Variants in PI4K2A observed in about 807,000 individuals in gnomAD.
PI4K2A encodes phosphatidylinositol 4-kinase type 2-alpha.
A neutral mutation model predicts 55.0 loss-of-function variants in PI4K2A; 20 were observed. The ratio of observed to expected loss-of-function variants is 0.36; its 90% CI spans 0.26 to 0.53. PI4K2A has a LOEUF of 0.53. Ranked by LOEUF, PI4K2A falls within the 20% of genes least tolerant of loss-of-function variation. PI4K2A has a pLI of 0.91. For synonymous variants in PI4K2A, 235 were observed against 258.5 expected, an observed-to-expected ratio of 0.91 and a Z score of 0.87; for missense variants, 463 against 637.1, an observed-to-expected ratio of 0.73 and a Z score of 2.94.
In PI4K2A at chr10:97,659,745, G is replaced by A. The variant is rs182411875; in HGVS notation, c.922+2771G>A. On this transcript the variant is annotated intron_variant, in intron 4 of 8. Coordinates refer to ENST00000370631, the Ensembl canonical transcript of PI4K2A. ...TGGGGGATGGGTAGCTGCTTGTGGG[G>A]CTAAGAGCCAAAATTGAATGAAATT... 2.1e-4 allele frequency among the ~76,000 whole-genome samples: 32 copies of A among 152,088 alleles called. 1 individual carries two copies. Among genetic ancestry groups the A allele is most frequent in the Admixed American group, 9.8e-4 (15 of 15,272 alleles).
intron 5 of PI4K2A, 101 bp from the exon 6 acceptor site, chr10:97,664,784 A>C: frequency 1.4e-6 from 1 of 733,822 alleles, no homozygotes; most frequent in Non-Finnish European, 2.4e-6. Flanking sequence ...TTCAATAAGA[A>C]TTCTTCTCTT....
rs1206401638 is a variant in PI4K2A, at chr10:97,645,763, G to A, written c.435+4586G>A. Among the ~76,000 whole-genome samples the A allele has an allele frequency of 8.6e-5, 13 of 151,842 alleles. No individual in the cohort carries two copies. The East Asian group carries it at 2.5e-3, about 29-fold the overall frequency. ...AGACAGTTTCTCACCCTGTCGCCCAGGCTGGAGTGCAGTGGCACAACCTTG... is the reference window on the plus strand; with the variant it reads ...AGACAGTTTCTCACCCTGTCGCCCAAGCTGGAGTGCAGTGGCACAACCTTG... On this transcript the variant is annotated intron_variant, in intron 1 of 8. Transcript: ENST00000370631.
At chr10:97,666,386 G>T in intron 6 of PI4K2A, 52 bp from the exon 7 acceptor site, 2 of 1,578,520 alleles carry the variant, frequency 1.3e-6, no homozygotes, top group South Asian at 2.3e-5. Flanking sequence ...GGACACAGAT[G>T]AGCAGGGACT....
At chr10:97,645,540 G>A (rs1023811740) in intron 1 of PI4K2A, among the ~76,000 whole-genome samples, 100 of 149,840 alleles carry the variant, frequency 6.7e-4, no homozygotes, top group African/African-American at 1.6e-3. Flanking sequence ...CCCGGGAGGC[G>A]GAGCTTGCAG....
At chr10:97,666,527 A>G (rs1400471310) in exon 7 of PI4K2A, 1 of 1,613,640 alleles carries the variant, frequency 6.2e-7, no homozygotes, top group African/African-American at 1.3e-5. Flanking sequence ...ATCGGACCCT[A>G]ACTTCGTCAA....
chr10:97,673,637 G>C, exon 9 of PI4K2A: 1 of 1,614,098 alleles, frequency 6.2e-7, no homozygotes, highest in Non-Finnish European at 8.5e-7. Flanking sequence ...ACCTCGTCCA[G>C]ATGCCACCTG....
intron 8 of PI4K2A, among the ~76,000 whole-genome samples, chr10:97,669,422 A>G (rs541425751): frequency 6.6e-6 from 1 of 152,000 alleles, no homozygotes; most frequent in South Asian, 2.1e-4. Flanking sequence ...TCCCTTGCCA[A>G]CCCTTCTCCC....
chr10:97,652,304 C>T (rs1326369759), intron 2 of PI4K2A, among the ~76,000 whole-genome samples: 1 of 151,902 alleles, frequency 6.6e-6, no homozygotes, highest in African/African-American at 2.4e-5. Context: ...TCTTTTCTTT[C>T]TTATTTTTAG....
At chr10:97,671,430 T>C (rs1254102350) in intron 8 of PI4K2A, among the ~76,000 whole-genome samples, 7 of 151,646 alleles carry the variant, frequency 4.6e-5, no homozygotes, top group Non-Finnish European at 8.8e-5. Flanking sequence ...CCAGCTTGGG[T>C]GACAGAGTGA....
intron 5 of PI4K2A, among the ~76,000 whole-genome samples, chr10:97,663,181 G>T (rs1464003894): frequency 6.6e-6 from 1 of 152,182 alleles, no homozygotes; most frequent in Admixed American, 6.5e-5. Context: ...CATGAAGAAA[G>T]GGTCAAGTAA....
chr10:97,660,269 G>A (rs2041575171), intron 4 of PI4K2A, among the ~76,000 whole-genome samples: 1 of 148,000 alleles, frequency 6.8e-6, no homozygotes, highest in Admixed American at 6.8e-5. Flanking sequence ...CCAAAGTGCT[G>A]GGATTACAGG....
intron 8 of PI4K2A, among the ~76,000 whole-genome samples, chr10:97,672,677 T>G (rs1206614175): frequency 6.6e-6 from 1 of 151,464 alleles, no homozygotes; most frequent in African/African-American, 2.4e-5. Context: ...TTTATGCATA[T>G]CCATTAGTGT....
chr10:97,661,131 A>G (rs1461914410), intron 4 of PI4K2A, among the ~76,000 whole-genome samples: 1 of 152,050 alleles, frequency 6.6e-6, no homozygotes, highest in Non-Finnish European at 1.5e-5. Flanking sequence ...AGCTGGGACT[A>G]CAGGCGCCCG....
chr10:97,640,741 G>T (rs766373191), exon 1 of PI4K2A: 41 of 1,499,206 alleles, frequency 2.7e-5, no homozygotes, highest in African/African-American at 4.3e-5. Context: ...GCTGTCTGAG[G>T]GATGGACGAG....
At chr10:97,650,218 C>T (rs1392585237) in intron 1 of PI4K2A, among the ~76,000 whole-genome samples, 1 of 148,870 alleles carries the variant, frequency 6.7e-6, no homozygotes, top group Admixed American at 6.7e-5. Flanking sequence ...GGAAGCAGTA[C>T]CATATTGGCA....
At chr10:97,662,043 T>C (rs2041586944) in intron 4 of PI4K2A, among the ~76,000 whole-genome samples, 1 of 151,820 alleles carries the variant, frequency 6.6e-6, no homozygotes, top group South Asian at 2.1e-4. Flanking sequence ...TGTTTAGACA[T>C]GGGGTCTCGC....
rs531822466 is a variant in PI4K2A at position 97,655,390 on chromosome 10, A to AT, written c.637-887dup. On this transcript the variant is annotated intron_variant, in intron 2 of 8. Coordinates refer to ENST00000370631, the Ensembl canonical transcript of PI4K2A. ...GTCTCAAAAAAAAAAAAAAAAAAAA[A>AT]TTTTTTTTCAAAAGGAAATGAAGGG... 9.9e-3 allele frequency among the ~76,000 whole-genome samples: 1,395 copies of AT among 141,586 alleles called. 16 individuals are homozygous for AT. Among genetic ancestry groups the AT allele is most frequent in the African/African-American group, 0.018 (698 of 38,170 alleles). The allele number at this position is 141,586 out of a possible 152,430, so 92.9% of individuals were successfully genotyped here.
chr10:97,657,536 C>T (rs544834870), intron 4 of PI4K2A, among the ~76,000 whole-genome samples: 11 of 151,798 alleles, frequency 7.2e-5, no homozygotes, highest in Non-Finnish European at 1.2e-4. Flanking sequence ...GGTGTGGTGG[C>T]GGGCACCTGT....
intron 4 of PI4K2A, among the ~76,000 whole-genome samples, chr10:97,661,957 C>T (rs1379249555): frequency 6.6e-6 from 1 of 150,786 alleles, no homozygotes; most frequent in Non-Finnish European, 1.5e-5. Context: ...TTGGCTCAAG[C>T]TGTCCTGCCT....
Sources: allele counts gnomAD v4.1 joint callset (sites outside exome capture counted in the v4.1 genomes callset), GRCh38; gene constraint gnomAD v4.1.1; transcripts MANE v1.5; gene names NCBI Gene and HGNC (gene_info 2026-07-23, HGNC 2026-07-21).